AKR1D1: variants seen among roughly 807,000 people sequenced by gnomAD.
The protein encoded by AKR1D1 is aldo-keto reductase family 1 member D1.
In AKR1D1, 32 loss-of-function variants were observed where a neutral mutation model predicts 42.6. That is an observed-to-expected ratio of 0.75 (90% CI 0.57 to 1.01). The LOEUF is 1.01. Among genes scored for constraint, AKR1D1 ranks in the 50% least tolerant of loss-of-function variants. The pLI, the probability that AKR1D1 is intolerant of heterozygous loss-of-function variation, is 0.00. For missense variants in AKR1D1, 364 were observed against 402.2 expected (o/e 0.91, Z 0.81); for synonymous variants, 123 against 135.5 (o/e 0.91, Z 0.64).
At chr7:138,085,168 C>A (rs1319471240) in intron 1 of AKR1D1, among the ~76,000 whole-genome samples, 2 of 151,766 alleles carry the variant, frequency 1.3e-5, no homozygotes, top group African/African-American at 2.4e-5. Context: ...CATCTCACTG[C>A]TGCTTCTGCC....
At chr7:138,107,662 GA>G (rs1209163635) in intron 7 of AKR1D1, 82 bp downstream of exon 7, 1 of 1,472,828 alleles carries the variant, frequency 6.8e-7, no homozygotes, top group Non-Finnish European at 9.5e-7. Flanking sequence ...AGCTTAATAG[GA>G]AACCTGTAAC....
intron 1 of AKR1D1, among the ~76,000 whole-genome samples, chr7:138,078,210 C>T (rs897665503): frequency 6.6e-6 from 1 of 152,186 alleles, no homozygotes; most frequent in Non-Finnish European, 1.5e-5. Context: ...GATCCGCCCG[C>T]CTCAGCCTCC....
At chr7:138,109,538 T>G (rs1309479440) in intron 7 of AKR1D1, among the ~76,000 whole-genome samples, 1 of 152,098 alleles carries the variant, frequency 6.6e-6, no homozygotes, top group African/African-American at 2.4e-5. Flanking sequence ...CTGTGGCCAC[T>G]GAGTAGGATA....
chr7:138,116,571 T>A, intron 8 of AKR1D1, 49 bp from the exon 9 acceptor site: 1 of 1,606,716 alleles, frequency 6.2e-7, no homozygotes. Context: ...AACATACAGC[T>A]GTGCAATTTT....
intron 1 of AKR1D1, among the ~76,000 whole-genome samples, chr7:138,080,576 C>T (rs549445653): frequency 6.6e-6 from 1 of 152,054 alleles, no homozygotes; most frequent in East Asian, 1.9e-4. Flanking sequence ...TATGCATATA[C>T]AAAAAAGTCT....
chr7:138,104,767 G>T (rs1477395289), intron 4 of AKR1D1, among the ~76,000 whole-genome samples: 1 of 151,322 alleles, frequency 6.6e-6, no homozygotes, highest in Non-Finnish European at 1.5e-5. Flanking sequence ...TTAAAAAATT[G>T]TTTTTAATTG....
At chr7:138,085,435 T>A (rs1008224109) in intron 1 of AKR1D1, among the ~76,000 whole-genome samples, 1 of 143,402 alleles carries the variant, frequency 7.0e-6, no homozygotes, top group Non-Finnish European at 1.5e-5. Context: ...TCTTTCTTTT[T>A]CTTTTCTTTC....
intron 7 of AKR1D1, among the ~76,000 whole-genome samples, chr7:138,108,978 G>A (rs1794485484): frequency 6.6e-6 from 1 of 152,186 alleles, no homozygotes; most frequent in Non-Finnish European, 1.5e-5. Context: ...TGACTCAGCA[G>A]TCTTACCCTA....
chr7:138,088,196 C>T (rs991934318), intron 1 of AKR1D1, among the ~76,000 whole-genome samples: 3 of 152,176 alleles, frequency 2.0e-5, no homozygotes, highest in Admixed American at 6.5e-5. Context: ...AGGCCCACTT[C>T]ATTCCTTTTT....
chr7:138,087,627 A>C (rs1737663045), intron 1 of AKR1D1, among the ~76,000 whole-genome samples: 1 of 152,164 alleles, frequency 6.6e-6, no homozygotes, highest in Non-Finnish European at 1.5e-5. Flanking sequence ...CCATCACCAC[A>C]ATCAAAATAA....
At chr7:138,115,508 A>T (rs894562671) in intron 8 of AKR1D1, among the ~76,000 whole-genome samples, 1 of 152,170 alleles carries the variant, frequency 6.6e-6, no homozygotes, top group Non-Finnish European at 1.5e-5. Context: ...AGTTGGTGAC[A>T]TTATTCAGTT....
intron 7 of AKR1D1, among the ~76,000 whole-genome samples, chr7:138,110,135 T>C: frequency 6.6e-6 from 1 of 151,976 alleles, no homozygotes; most frequent in East Asian, 1.9e-4. Context: ...TTGCTGGGTA[T>C]GAAAGCAAGG....
chr7:138,106,731 T>C lies in AKR1D1; in HGVS notation c.689+14T>C. 4 of 1,561,718 alleles carry C rather than the reference T, an allele frequency of 2.6e-6. No homozygotes were observed. The highest frequency in any genetic ancestry group is 3.5e-6 in the Non-Finnish European group (4 of 1,132,288). On this transcript the variant is annotated intron_variant, in intron 6 of 8. Coordinates refer to ENST00000242375, the MANE Select transcript of AKR1D1 (RefSeq NM_005989.4). Reference sequence around the variant, plus strand: ...GAATCCAATCTGGTAAGTAAAACTTTAGGAAGCATTTCCTTTGGTGTAGAG... The same window carrying C: ...GAATCCAATCTGGTAAGTAAAACTTCAGGAAGCATTTCCTTTGGTGTAGAG...
intron 1 of AKR1D1, among the ~76,000 whole-genome samples, chr7:138,084,370 C>T (rs1445144585): frequency 6.7e-6 from 1 of 150,322 alleles, no homozygotes; most frequent in Non-Finnish European, 1.5e-5. Flanking sequence ...TCAAGCGAGT[C>T]ACCAGACCCG....
At position 138,088,856 on chromosome 7, in the gene AKR1D1, G is replaced by GTGTA. The variant is rs1299237541; in HGVS notation, c.261+89_261+90insGTAT. 2.2e-6 allele frequency: 3 copies of GTGTA among 1,365,050 alleles called. No homozygotes were observed. In the Admixed American group the frequency reaches 5.9e-5, roughly 27 times the overall value. 84.6% of individuals were successfully genotyped at this position (1,365,050 alleles called of 1,614,324 possible). On this transcript the variant is annotated intron_variant, in intron 2 of 8. Transcript: ENST00000242375. Reference sequence around the variant, plus strand: ...ATTCATCTTCCGTGTGTGTGTGTGTGTAATTGCACTCATGAGTAGGCAGTA... The same window carrying GTGTA: ...ATTCATCTTCCGTGTGTGTGTGTGTGTGTATAATTGCACTCATGAGTAGGCAGTA...
intron 7 of AKR1D1, 100 bp downstream of exon 7, chr7:138,107,680 A>C: frequency 7.8e-7 from 1 of 1,284,734 alleles, no homozygotes; most frequent in East Asian, 2.4e-5. Context: ...TAACACTCTC[A>C]TATTTTATTT....
intron 8 of AKR1D1, among the ~76,000 whole-genome samples, chr7:138,114,994 A>G (rs1794608393): frequency 6.6e-6 from 1 of 152,186 alleles, no homozygotes; most frequent in South Asian, 2.1e-4. Flanking sequence ...TCAGGGGGAA[A>G]ATTGTTTGAC....
intron 2 of AKR1D1, among the ~76,000 whole-genome samples, chr7:138,090,452 C>A (rs1037677174): frequency 6.6e-6 from 1 of 151,982 alleles, no homozygotes; most frequent in Non-Finnish European, 1.5e-5. Flanking sequence ...GACTGGCCAA[C>A]ATGGTGAAAC....
At chr7:138,112,809 G>A (rs1284964151) in intron 7 of AKR1D1, among the ~76,000 whole-genome samples, 1 of 151,176 alleles carries the variant, frequency 6.6e-6, no homozygotes, top group Non-Finnish European at 1.5e-5. Flanking sequence ...TAATCCAAAT[G>A]TTAAAAATAA....
Sources: gnomAD v4.1 joint callset for allele counts (sites outside exome capture counted in the v4.1 genomes callset) on GRCh38, gnomAD v4.1.1 for gene constraint, MANE v1.5 for transcripts, NCBI Gene and HGNC (gene_info 2026-07-23, HGNC 2026-07-21) for gene names.